The following COL5A1 variants were observed in gnomAD, a reference collection of about 807,000 sequenced individuals.
The protein encoded by COL5A1 is collagen type V alpha 1 chain, also known as collagen alpha-1(V) chain.
Under a neutral mutation model 263.7 loss-of-function variants are expected in COL5A1, and 16 were observed. The observed-to-expected ratio is 0.06, with a 90% CI of 0.04 to 0.09. COL5A1 has a LOEUF of 0.09. COL5A1 is among the 10% of genes least tolerant of loss of function. The probability of loss-of-function intolerance (pLI) is 1.00; values close to 1 mark genes in which losing one functional copy is unlikely to be tolerated. For missense variants in COL5A1, 2,036 were observed against 2,540.5 expected (o/e 0.80, Z 4.27); for synonymous variants, 1,012 against 1,004.5 (o/e 1.01, Z -0.14).
At chr9:134,710,270 G>A (rs1050437668) in intron 4 of COL5A1, among the ~76,000 whole-genome samples, 1 of 152,244 alleles carries the variant, frequency 6.6e-6, no homozygotes, top group Admixed American at 6.5e-5. Context: ...GCCCGCGCGA[G>A]ACGGTGGCTG....
In COL5A1 at chr9:134,741,752, C is replaced by T. The variant is rs963766972; in HGVS notation, c.1494+2944C>T. ...AGGGGAGTGGCGTGCTCTGTCCCCT[C>T]CGTCTGCTTGGCCTCCTGTGCCTCT... On this transcript the variant is annotated intron_variant, in intron 11 of 65. Transcript: ENST00000371817. This position sits in a 1 kb window ranked among gnomAD's most constrained non-coding sequence, Gnocchi z 4.5. Among the ~76,000 whole-genome samples, 2 of 152,158 alleles carry T rather than the reference C, an allele frequency of 1.3e-5. No homozygotes were observed. Among genetic ancestry groups the T allele is most frequent in the Non-Finnish European group, 2.9e-5 (2 of 68,032 alleles).
rs376936600 is a variant in COL5A1 at position 134,784,955 on chromosome 9, G to GGGGGGGCA, written c.2485-34_2485-33insGGGGGGCA. On this transcript the variant is annotated intron_variant, in intron 29 of 65. Coordinates refer to ENST00000371817, the MANE Select transcript of COL5A1 (RefSeq NM_000093.5). ...GTGGAGAATAGTGTGTGTGCGGGGG[G>GGGGGGGCA]TGGTCTTCTCACCTCCTCTTTTCTG... 2.1e-4 allele frequency: 310 copies of GGGGGGGCA among 1,502,094 alleles called. 1 individual carries two copies. Among genetic ancestry groups the GGGGGGGCA allele is most frequent in the African/African-American group, 1.6e-3 (118 of 72,200 alleles). The allele number at this position is 1,502,094 out of a possible 1,614,324, so 93.0% of individuals were successfully genotyped here.
At chr9:134,646,477 A>G (rs1327584840) in intron 1 of COL5A1, among the ~76,000 whole-genome samples, 1 of 152,024 alleles carries the variant, frequency 6.6e-6, no homozygotes, top group Non-Finnish European at 1.5e-5. Flanking sequence ...GACATTCCAC[A>G]CCGTGTCCCA....
At chr9:134,813,852 C>T (rs1229874080) in intron 48 of COL5A1, 131 bp from the exon 49 acceptor site, 2 of 949,560 alleles carry the variant, frequency 2.1e-6, no homozygotes, top group East Asian at 2.6e-5. Context: ...CAGCACTCCC[C>T]AGAAACCCCT....
chr9:134,826,816 GTGTGTGGCTGGTGTGTGGA>G (rs1564489210), intron 63 of COL5A1, among the ~76,000 whole-genome samples: 2 of 151,170 alleles, frequency 1.3e-5, no homozygotes, highest in African/African-American at 4.9e-5. Flanking sequence ...AGGTGTGTGG[GTGTGTGGCTGGTGTGTGGA>G]TGTGTATATG....
chr9:134,843,251 C>T lies in COL5A1; in HGVS notation c.*948C>T, dbSNP rs142032213. On this transcript the variant is annotated 3_prime_UTR_variant, in exon 66 of 66. Coordinates refer to ENST00000371817, the MANE Select transcript of COL5A1 (RefSeq NM_000093.5). ...AGGTTTGGATTAATTTTATTTGCTT[C>T]CTTTTTCCGCTTTTCTTCCCGCAGA... The T allele has an allele frequency of 2.0e-5, 3 of 152,232 alleles. No homozygotes were observed. Among genetic ancestry groups the T allele is most frequent in the African/African-American group, 4.8e-5 (2 of 41,322 alleles). 9.4% of individuals were successfully genotyped at this position (152,232 alleles called of 1,614,324 possible).
intron 54 of COL5A1, 77 bp downstream of exon 54, chr9:134,817,908 G>C: frequency 4.2e-6 from 6 of 1,419,918 alleles, no homozygotes; most frequent in South Asian, 2.5e-5. Flanking sequence ...GTGGACAAGC[G>C]TGTGGGCAGA....
chr9:134,738,477 A>T lies in COL5A1; in HGVS notation c.1393A>T (p.Met465Leu). The change falls in exon 10 of 66, where the codon ATG becomes TTG. Residue 465 changes from methionine to leucine, a missense_variant. By Grantham distance (15) the Met-to-Leu change is conservative. Around this residue, in one of 3 missense-constraint regions of COL5A1, gnomAD observed 600 missense variants for 634.5 expected, o/e 0.95. Transcript: ENST00000371817. The part of the protein sequence containing the change: ...KGEPAIIEPG[M>L]LIEGPPGPEG... ...CGCCCTCTCTCTGTCTCCCCAGGGC[A>T]TGCTCATCGAGGGCCCGCCTGGCCC... 1.9e-6 allele frequency: 3 copies of T among 1,614,024 alleles called. No homozygotes were observed.
chr9:134,734,304 T>C lies in COL5A1; in HGVS notation c.1389+2177T>C, dbSNP rs192436954. The stretch of plus-strand genomic sequence containing the variant: ...ACAGGAACATCATGGCTCTGGAAAG[T>C]CCAGTTCACCTTTGTTGGGAAAAGC... On this transcript the variant is annotated intron_variant, in intron 9 of 65. Transcript: ENST00000371817. Among the ~76,000 whole-genome samples the C allele has an allele frequency of 2.8e-3, 421 of 149,526 alleles. 5 individuals are homozygous for C. The highest frequency in any genetic ancestry group is 0.026 in the East Asian group (133 of 5,164).
At chr9:134,654,438 G>GT (rs1831840955) in intron 1 of COL5A1, among the ~76,000 whole-genome samples, 1 of 119,142 alleles carries the variant, frequency 8.4e-6, no homozygotes. Flanking sequence ...TAGGGCTGGA[G>GT]GTGTGTAGGG....
At chr9:134,756,040 C>T (rs548653824) in intron 16 of COL5A1, among the ~76,000 whole-genome samples, 13 of 152,090 alleles carry the variant, frequency 8.5e-5, no homozygotes, top group East Asian at 3.9e-4. Flanking sequence ...GCCTCATTGG[C>T]GTGGAGGTCT....
At chr9:134,648,923 C>T (rs765164185) in intron 1 of COL5A1, among the ~76,000 whole-genome samples, 1 of 152,188 alleles carries the variant, frequency 6.6e-6, no homozygotes, top group Non-Finnish European at 1.5e-5. Context: ...CCTCCCCTGC[C>T]TCCTCTGGCC....
At chr9:134,688,337 G>A (rs1022913946) in intron 1 of COL5A1, among the ~76,000 whole-genome samples, 4 of 152,300 alleles carry the variant, frequency 2.6e-5, no homozygotes, top group South Asian at 2.1e-4. Flanking sequence ...TGCCCCGGCC[G>A]CTGCCAGTGC....
chr9:134,777,361 C>T (rs573465667), intron 27 of COL5A1, among the ~76,000 whole-genome samples: 2 of 152,366 alleles, frequency 1.3e-5, no homozygotes, highest in South Asian at 4.1e-4. Context: ...ACGGATGCCC[C>T]AATCCAGCCC....
chr9:134,818,653 C>T lies in COL5A1; in HGVS notation c.4231-3C>T. 1 of 1,607,034 alleles carries T rather than the reference C, an allele frequency of 6.2e-7. No homozygotes were observed. On this transcript the variant is annotated splice_region_variant and splice_polypyrimidine_tract_variant and intron_variant, in intron 54 of 65. Transcript: ENST00000371817. The surrounding 1 kb of genome is among the most constrained non-coding windows in gnomAD (Gnocchi z 6.0). The stretch of plus-strand genomic sequence containing the variant: ...CCTCATTCTGCCCTCCGCCGTCCTG[C>T]AGGGAGAAGCCGGCTTGGAAGGCCC...
rs537776028 is a variant in COL5A1 at position 134,715,765 on chromosome 9, G to A, written c.655-11501G>A. Among the ~76,000 whole-genome samples the A allele has an allele frequency of 3.3e-5, 5 of 152,336 alleles. No homozygotes were observed. In the East Asian group the frequency reaches 5.8e-4, roughly 18 times the overall value. ...TGTCTCTGCGACCACAGGGTTAGAG[G>A]TAAGGTTACAGATTAACAGCATCTC... On this transcript the variant is annotated intron_variant, in intron 4 of 65. Coordinates refer to ENST00000371817, the MANE Select transcript of COL5A1 (RefSeq NM_000093.5).
At chr9:134,833,457 G>T (rs777169219) in intron 64 of COL5A1, among the ~76,000 whole-genome samples, 3 of 152,204 alleles carry the variant, frequency 2.0e-5, no homozygotes, top group Admixed American at 6.5e-5. Context: ...GGGAGGATCA[G>T]TGTCATCAGA....
intron 63 of COL5A1, among the ~76,000 whole-genome samples, chr9:134,827,776 C>T (rs1454421678): frequency 1.3e-5 from 2 of 152,234 alleles, no homozygotes; most frequent in African/African-American, 4.8e-5. Flanking sequence ...CCCCCTTGGA[C>T]CCGGAGGAGG....
Position 134,707,552 on chromosome 9 carries a change from AACAGAGGAGCCCTGGGATTCCTGTGAGTG to A in COL5A1, c.654+6220_654+6248del, listed in dbSNP as rs1381937666. 2.3e-4 allele frequency among the ~76,000 whole-genome samples: 7 copies of A among 30,582 alleles called. No individual in the cohort carries two copies. In the East Asian group the frequency reaches 7.2e-3, roughly 31 times the overall value. The allele number at this position is 30,582 out of a possible 152,430, so 20.1% of individuals were successfully genotyped here. Reference sequence around the variant, plus strand: ...GCACCCTGGGATTCCTGTGAGTGGGAACAGAGGAGCCCTGGGATTCCTGTGAGTGGGAACGTCCCCCAGGGCGTCAGGCC... The same window carrying A: ...GCACCCTGGGATTCCTGTGAGTGGGAGGAACGTCCCCCAGGGCGTCAGGCC... On this transcript the variant is annotated intron_variant, in intron 4 of 65. Coordinates refer to ENST00000371817, the MANE Select transcript of COL5A1 (RefSeq NM_000093.5).
Sources: gnomAD v4.1 joint callset for allele counts (sites outside exome capture counted in the v4.1 genomes callset) on GRCh38, gnomAD v4.1.1 for gene constraint, gnomAD v4.1.1 regional missense constraint, Gnocchi (gnomAD v3.1) non-coding constraint, MANE v1.5 for transcripts, NCBI Gene and HGNC (gene_info 2026-07-23, HGNC 2026-07-21) for gene names.